The following CACNA2D3 variants were observed in gnomAD, a reference collection of about 807,000 sequenced individuals.
CACNA2D3 encodes the protein calcium voltage-gated channel auxiliary subunit alpha2delta 3, also known as voltage-dependent calcium channel subunit alpha-2/delta-3.
Under a neutral mutation model 160.6 loss-of-function variants are expected in CACNA2D3, and 60 were observed. The ratio of observed to expected loss-of-function variants is 0.37; its 90% CI spans 0.30 to 0.46. The LOEUF (loss-of-function observed/expected upper bound fraction) is 0.46. Ranked by LOEUF, CACNA2D3 falls within the 20% of genes least tolerant of loss-of-function variation. The pLI, the probability that CACNA2D3 is intolerant of heterozygous loss-of-function variation, is 1.00. For synonymous variants in CACNA2D3, 558 were observed against 492.9 expected, an observed-to-expected ratio of 1.13 and a Z score of -1.75; for missense variants, 1,205 against 1,365.0, an observed-to-expected ratio of 0.88 and a Z score of 1.85.
intron 5 of CACNA2D3, among the ~76,000 whole-genome samples, chr3:54,525,995 C>G (rs937824306): frequency 2.0e-5 from 3 of 151,504 alleles, no homozygotes; most frequent in African/African-American, 7.2e-5. Context: ...GTAATGGTGT[C>G]TCACATCTGA....
chr3:54,200,937 G>A (rs1701165885), intron 2 of CACNA2D3, among the ~76,000 whole-genome samples: 1 of 152,168 alleles, frequency 6.6e-6, no homozygotes, highest in Non-Finnish European at 1.5e-5. Context: ...GTTATATTTT[G>A]TGGGAGAAGC....
chr3:54,213,366 C>T lies in CACNA2D3; in HGVS notation c.204+89772C>T, dbSNP rs186680455. On this transcript the variant is annotated intron_variant, in intron 2 of 37. Coordinates refer to ENST00000474759, the MANE Select transcript of CACNA2D3 (RefSeq NM_018398.3). ...CTATGATGTTACTGTGGCTATTCAC[C>T]AGTATGGCTTTGAGCCATTAAAGGC... Among the ~76,000 whole-genome samples, 15 of 152,292 alleles carry T rather than the reference C, an allele frequency of 9.8e-5. No individual in the cohort carries two copies. The East Asian group carries it at 2.1e-3, about 22-fold the overall frequency.
rs1267215426 is a variant in CACNA2D3 at position 54,879,077 on chromosome 3, A to G, written c.1770A>G (p.Thr590=). 1 of 1,599,914 alleles carries G rather than the reference A, an allele frequency of 6.3e-7. No homozygotes were observed. The highest frequency in any genetic ancestry group is 8.5e-7 in the Non-Finnish European group (1 of 1,172,044). ...TGKFSMEVKK[T]VDKGKRVLVM... Reference sequence around the variant, plus strand: ...AGTTTTCCATGGAGGTGAAGAAGACAGTGGACAAAGGGGTACATTTTTCTC... The same window carrying G: ...AGTTTTCCATGGAGGTGAAGAAGACGGTGGACAAAGGGGTACATTTTTCTC... The change falls in exon 19 of 38, where the codon ACA becomes ACG. Residue 590 remains threonine, a synonymous_variant. Coordinates refer to ENST00000474759, the MANE Select transcript of CACNA2D3 (RefSeq NM_018398.3).
At chr3:54,699,148 C>T (rs1700718816) in intron 11 of CACNA2D3, among the ~76,000 whole-genome samples, 1 of 152,192 alleles carries the variant, frequency 6.6e-6, no homozygotes, top group South Asian at 2.1e-4. Context: ...GAACCCAAGT[C>T]ATAGGGAGCT....
chr3:54,480,795 A>G (rs1421709900), intron 4 of CACNA2D3, among the ~76,000 whole-genome samples: 2 of 152,112 alleles, frequency 1.3e-5, no homozygotes, highest in African/African-American at 4.8e-5. Flanking sequence ...AAGACTCCAG[A>G]ATCTGAAATG....
intron 3 of CACNA2D3, among the ~76,000 whole-genome samples, chr3:54,346,482 A>T (rs899911019): frequency 6.6e-6 from 1 of 152,210 alleles, no homozygotes; most frequent in Admixed American, 6.5e-5. Context: ...TTGACATGGC[A>T]TAATTGTTAC....
intron 25 of CACNA2D3, among the ~76,000 whole-genome samples, chr3:54,891,698 C>T (rs1191323679): frequency 6.6e-6 from 1 of 152,198 alleles, no homozygotes; most frequent in Non-Finnish European, 1.5e-5. Context: ...CTGGAGTCCT[C>T]TCCCGCCCTG....
chr3:54,510,508 G>A (rs1415090993), intron 5 of CACNA2D3, among the ~76,000 whole-genome samples: 1 of 152,144 alleles, frequency 6.6e-6, no homozygotes, highest in Non-Finnish European at 1.5e-5. Context: ...ATCCAAGTGA[G>A]AAAAGAGTTT....
intron 1 of CACNA2D3, among the ~76,000 whole-genome samples, 166 bp downstream of exon 1, chr3:54,123,001 G>A (rs1318097352): frequency 6.6e-6 from 1 of 152,152 alleles, no homozygotes; most frequent in Non-Finnish European, 1.5e-5. Context: ...CGAGGCCGGG[G>A]TGGGATGCTC....
At chr3:54,455,735 G>T (rs1443645994) in intron 4 of CACNA2D3, among the ~76,000 whole-genome samples, 5 of 151,968 alleles carry the variant, frequency 3.3e-5, no homozygotes, top group Non-Finnish European at 1.5e-5. Context: ...AATTCATTTT[G>T]AGTTGATTTT....
chr3:54,250,634 A>G lies in CACNA2D3; in HGVS notation c.205-69808A>G, dbSNP rs192530403. On this transcript the variant is annotated intron_variant, in intron 2 of 37. Transcript: ENST00000474759. ...TTTTTTTTGTAGAGATGGAGTCTAG[A>G]CTTGTTGCCCTGGCTGGTCTCAAAC... Among the ~76,000 whole-genome samples the G allele has an allele frequency of 1.3e-4, 20 of 152,202 alleles. No homozygotes were observed. The East Asian group carries it at 3.9e-3, about 29-fold the overall frequency.
intron 2 of CACNA2D3, among the ~76,000 whole-genome samples, chr3:54,185,095 T>A (rs1445892474): frequency 6.6e-6 from 1 of 152,200 alleles, no homozygotes; most frequent in African/African-American, 2.4e-5. Context: ...GACAGGATAG[T>A]AATGAACCCA....
chr3:54,937,965 A>T (rs908840399), intron 27 of CACNA2D3, among the ~76,000 whole-genome samples: 1 of 152,218 alleles, frequency 6.6e-6, no homozygotes, highest in Non-Finnish European at 1.5e-5. Context: ...CCATCTGACC[A>T]TAACCAGAGA....
chr3:54,960,180 G>A (rs1701997672), intron 27 of CACNA2D3, among the ~76,000 whole-genome samples: 1 of 152,086 alleles, frequency 6.6e-6, no homozygotes, highest in African/African-American at 2.4e-5. Context: ...CAGCAGGTAG[G>A]GATGGTTACA....
At chr3:54,427,942 G>T (rs1699933033) in intron 4 of CACNA2D3, among the ~76,000 whole-genome samples, 1 of 152,160 alleles carries the variant, frequency 6.6e-6, no homozygotes, top group Admixed American at 6.5e-5. Context: ...GAAGTTAAGA[G>T]CCCTCAACAT....
rs111264926 is a variant in CACNA2D3 at position 55,013,232 on chromosome 3, A to G, written c.2875+3789A>G. Reference sequence around the variant, plus strand: ...GGGGTGGGGACTGCTAGAATTTGCCACCAAGCCTCTCTGAAGCACCTAAGT... The same window carrying G: ...GGGGTGGGGACTGCTAGAATTTGCCGCCAAGCCTCTCTGAAGCACCTAAGT... On this transcript the variant is annotated intron_variant, in intron 34 of 37. Transcript: ENST00000474759. Among the ~76,000 whole-genome samples, 1,131 of 152,272 alleles carry G rather than the reference A, an allele frequency of 7.4e-3. 13 individuals are homozygous for G. Among genetic ancestry groups the G allele is most frequent in the African/African-American group, 0.026 (1,085 of 41,566 alleles).
chr3:54,580,007 G>A (rs1702648084), intron 8 of CACNA2D3, among the ~76,000 whole-genome samples: 1 of 152,174 alleles, frequency 6.6e-6, no homozygotes, highest in Non-Finnish European at 1.5e-5. Context: ...TTGGGGGCCA[G>A]AGAGGATAAG....
chr3:54,999,319 C>A (rs1373113658), intron 31 of CACNA2D3, among the ~76,000 whole-genome samples: 2 of 152,122 alleles, frequency 1.3e-5, no homozygotes, highest in Non-Finnish European at 2.9e-5. Context: ...TAAGGGCTTC[C>A]CATGGCGACG....
chr3:54,422,094 G>C (rs1699844393), intron 4 of CACNA2D3, among the ~76,000 whole-genome samples: 1 of 152,214 alleles, frequency 6.6e-6, no homozygotes, highest in African/African-American at 2.4e-5. Flanking sequence ...GTGTCTGCAT[G>C]TCAGGGTTCA....
Sources: allele counts gnomAD v4.1 joint callset (sites outside exome capture counted in the v4.1 genomes callset), GRCh38; gene constraint gnomAD v4.1.1; transcripts MANE v1.5; gene names NCBI Gene and HGNC (gene_info 2026-07-23, HGNC 2026-07-21).